The following PCDH9 variants were observed in gnomAD, a reference collection of about 807,000 sequenced individuals.
PCDH9 encodes protocadherin 9, also known as protocadherin-9.
Under a neutral mutation model 70.6 loss-of-function variants are expected in PCDH9, and 24 were observed. The ratio of observed to expected loss-of-function variants is 0.34; its 90% CI spans 0.25 to 0.48. The LOEUF (loss-of-function observed/expected upper bound fraction) is 0.48. Among genes scored for constraint, PCDH9 ranks in the 20% least tolerant of loss-of-function variants. The probability of loss-of-function intolerance (pLI) is 0.99; values close to 1 mark genes in which losing one functional copy is unlikely to be tolerated. For synonymous variants in PCDH9, 562 were observed against 558.5 expected (o/e 1.01, Z -0.09); for missense variants, 1,281 against 1,503.6 (o/e 0.85, Z 2.45).
Position 66,735,701 on chromosome 13 carries a change from T to C in PCDH9, c.3139-104290A>G, listed in dbSNP as rs905948280. Reference sequence around the variant, plus strand: ...AGATTAGGCCGGGCACAGTGGCTCATGCCTGCAATCCCAGCACTTTGGGAG... The same window carrying C: ...AGATTAGGCCGGGCACAGTGGCTCACGCCTGCAATCCCAGCACTTTGGGAG... On this transcript the variant is annotated intron_variant, in intron 3 of 4. Transcript: ENST00000377865. Among the ~76,000 whole-genome samples the C allele has an allele frequency of 5.3e-5, 8 of 152,296 alleles. No homozygotes were observed. The South Asian group carries it at 1.7e-3, about 32-fold the overall frequency.
intron 2 of PCDH9, among the ~76,000 whole-genome samples, chr13:66,918,996 T>A (rs923058932): frequency 6.6e-6 from 1 of 151,246 alleles, no homozygotes; most frequent in African/African-American, 2.4e-5. Flanking sequence ...ATTCTTTTTT[T>A]CTTCCAGAAT....
At chr13:67,117,634 G>T (rs4883793) in intron 2 of PCDH9, among the ~76,000 whole-genome samples, 26,214 of 152,004 alleles carry the variant, frequency 0.17, 2,624 homozygotes, top group Admixed American at 0.24. Context: ...ATGTACCCAT[G>T]CTATGAAATT....
intron 2 of PCDH9, among the ~76,000 whole-genome samples, chr13:67,094,119 C>T (rs1279753797): frequency 4.6e-5 from 7 of 151,980 alleles, no homozygotes; most frequent in Non-Finnish European, 8.8e-5. Flanking sequence ...TATAAATACC[C>T]CCAAACAAGG....
intron 2 of PCDH9, among the ~76,000 whole-genome samples, chr13:67,062,947 T>C (rs2085567570): frequency 6.6e-6 from 1 of 152,180 alleles, no homozygotes; most frequent in African/African-American, 2.4e-5. Flanking sequence ...TAAAAAGTGC[T>C]AAGCAGAGCC....
chr13:66,584,570 A>T (rs1377518081), intron 4 of PCDH9, among the ~76,000 whole-genome samples: 1 of 152,214 alleles, frequency 6.6e-6, no homozygotes, highest in African/African-American at 2.4e-5. Context: ...TGGATTCATT[A>T]TGCCGCTATA....
At chr13:66,318,926 T>A (rs2138082880) in intron 4 of PCDH9, among the ~76,000 whole-genome samples, 1 of 152,292 alleles carries the variant, frequency 6.6e-6, no homozygotes, top group African/African-American at 2.4e-5. Flanking sequence ...ACAATGTCAT[T>A]GACCAAAAAG....
rs931941840 is a variant in PCDH9 at position 66,677,171 on chromosome 13, C to T, written c.3139-45760G>A. On this transcript the variant is annotated intron_variant, in intron 3 of 4. Coordinates refer to ENST00000377865, the MANE Select transcript of PCDH9 (RefSeq NM_203487.3). Reference sequence around the variant, plus strand: ...TTTAGAAAACCATAAACACAAATGCCCAGACAGCAATTTTAAGATAATAGA... The same window carrying T: ...TTTAGAAAACCATAAACACAAATGCTCAGACAGCAATTTTAAGATAATAGA... 7.9e-5 allele frequency among the ~76,000 whole-genome samples: 12 copies of T among 151,930 alleles called. No homozygotes were observed. In the East Asian group the frequency reaches 2.3e-3, roughly 29 times the overall value.
chr13:66,998,264 T>C (rs1424150602), intron 2 of PCDH9, among the ~76,000 whole-genome samples: 1 of 152,118 alleles, frequency 6.6e-6, no homozygotes, highest in Non-Finnish European at 1.5e-5. Flanking sequence ...AATCTGGAGA[T>C]TGTTGGTTTA....
chr13:67,036,122 A>G (rs1316667636), intron 2 of PCDH9, among the ~76,000 whole-genome samples: 1 of 152,230 alleles, frequency 6.6e-6, no homozygotes, highest in East Asian at 1.9e-4. Flanking sequence ...TAAATCTTAA[A>G]AGACAAACAA....
At chr13:66,440,484 TCTA>T in intron 4 of PCDH9, among the ~76,000 whole-genome samples, 1 of 152,122 alleles carries the variant, frequency 6.6e-6, no homozygotes, top group South Asian at 2.1e-4. Flanking sequence ...TTATAAATAC[TCTA>T]CTAATAACAA....
At chr13:66,992,438 G>C (rs2084022395) in intron 2 of PCDH9, among the ~76,000 whole-genome samples, 1 of 152,144 alleles carries the variant, frequency 6.6e-6, no homozygotes, top group Admixed American at 6.6e-5. Context: ...TTCCTTGGCA[G>C]TGCACCAGCC....
intron 2 of PCDH9, chr13:67,218,539 T>C (rs2089657184): frequency 6.6e-6 from 1 of 151,800 alleles, no homozygotes; most frequent in Admixed American, 6.6e-5. Context: ...GCCCAGAGAG[T>C]GGTTATTAAC....
chr13:66,714,333 C>T (rs545552134), intron 3 of PCDH9, among the ~76,000 whole-genome samples: 8 of 151,684 alleles, frequency 5.3e-5, no homozygotes, highest in African/African-American at 7.3e-5. Flanking sequence ...GGCGTGGTGG[C>T]GGGTGCCTGT....
At chr13:67,057,591 G>A (rs1386651392) in intron 2 of PCDH9, among the ~76,000 whole-genome samples, 2 of 151,962 alleles carry the variant, frequency 1.3e-5, no homozygotes, top group Admixed American at 1.3e-4. Flanking sequence ...GTTGGCGAGT[G>A]GGAATGAAAA....
At chr13:66,398,186 A>C (rs1166848510) in intron 4 of PCDH9, among the ~76,000 whole-genome samples, 1 of 152,102 alleles carries the variant, frequency 6.6e-6, no homozygotes, top group Non-Finnish European at 1.5e-5. Flanking sequence ...ACATGGAGTG[A>C]GAATTGTAGC....
chr13:66,483,388 C>T (rs1034285686), intron 4 of PCDH9, among the ~76,000 whole-genome samples: 1 of 152,074 alleles, frequency 6.6e-6, no homozygotes, highest in Non-Finnish European at 1.5e-5. Context: ...AAACTAGAGT[C>T]AAATTTATCA....
intron 4 of PCDH9, among the ~76,000 whole-genome samples, chr13:66,549,695 A>C (rs1437543947): frequency 6.6e-6 from 1 of 152,072 alleles, no homozygotes; most frequent in Non-Finnish European, 1.5e-5. Flanking sequence ...AGCACCTATA[A>C]AGATCATTTT....
chr13:66,314,348 G>A (rs528183224), intron 4 of PCDH9, among the ~76,000 whole-genome samples: 3 of 152,118 alleles, frequency 2.0e-5, no homozygotes, highest in Non-Finnish European at 4.4e-5. Flanking sequence ...CGGTAGGTTT[G>A]GGGGGTAAGT....
chr13:67,094,080 T>A (rs1340482428), intron 2 of PCDH9, among the ~76,000 whole-genome samples: 1 of 152,142 alleles, frequency 6.6e-6, no homozygotes, highest in Non-Finnish European at 1.5e-5. Flanking sequence ...GGCTAGCGTA[T>A]TAAGTCATAG....
Sources: allele counts gnomAD v4.1 joint callset (sites outside exome capture counted in the v4.1 genomes callset), GRCh38; gene constraint gnomAD v4.1.1; transcripts MANE v1.5; gene names NCBI Gene and HGNC (gene_info 2026-07-23, HGNC 2026-07-21).